The following ADCK1 variants were observed in gnomAD, a reference collection of about 807,000 sequenced individuals.
ADCK1 encodes aarF domain-containing protein kinase 1.
Under a neutral mutation model 52.3 loss-of-function variants are expected in ADCK1, and 41 were observed. That is an observed-to-expected ratio of 0.78 (90% confidence interval 0.61 to 1.02). The LOEUF is 1.02. Ranked by LOEUF, ADCK1 falls within the 50% of genes least tolerant of loss-of-function variation. ADCK1 has a pLI of 0.00. For missense variants in ADCK1, 658 were observed against 679.5 expected (o/e 0.97, Z 0.35); for synonymous variants, 250 against 274.6 (o/e 0.91, Z 0.89).
chr14:77,871,169 G>C (rs1334143178), intron 4 of ADCK1, among the ~76,000 whole-genome samples: 5 of 152,202 alleles, frequency 3.3e-5, no homozygotes, highest in African/African-American at 1.2e-4. Context: ...GATGTTGCCA[G>C]TAGGGAAGTG....
At chr14:77,828,782 C>T (rs1440009035) in intron 3 of ADCK1, among the ~76,000 whole-genome samples, 1 of 152,228 alleles carries the variant, frequency 6.6e-6, no homozygotes, top group Non-Finnish European at 1.5e-5. Context: ...CCTCCTCAGC[C>T]TCCCAAAGTG....
intron 1 of ADCK1, among the ~76,000 whole-genome samples, chr14:77,814,695 C>CAAAA (rs995163952): frequency 2.0e-3 from 70 of 35,690 alleles, no homozygotes; most frequent in Middle Eastern, 0.014. Flanking sequence ...AAGACACTCT[C>CAAAA]AAAAAAAAAA....
chr14:77,931,820 T>G, intron 10 of ADCK1, 109 bp downstream of exon 10: 1 of 1,166,110 alleles, frequency 8.6e-7, no homozygotes, highest in Middle Eastern at 2.7e-4. Flanking sequence ...CTGCCTGAGC[T>G]TCCCAATCTC....
At chr14:77,860,369 G>A (rs976877344) in intron 4 of ADCK1, among the ~76,000 whole-genome samples, 10 of 152,332 alleles carry the variant, frequency 6.6e-5, no homozygotes, top group South Asian at 2.1e-4. Flanking sequence ...GCTACTTGGC[G>A]CAGGGCCAGG....
intron 4 of ADCK1, among the ~76,000 whole-genome samples, chr14:77,867,767 C>T (rs532950618): frequency 6.6e-6 from 1 of 152,326 alleles, no homozygotes; most frequent in South Asian, 2.1e-4. Context: ...GTGTCCTGCA[C>T]CTTGAATCCT....
chr14:77,926,971 G>A (rs1465389271), intron 9 of ADCK1, among the ~76,000 whole-genome samples: 1 of 152,150 alleles, frequency 6.6e-6, no homozygotes, highest in Non-Finnish European at 1.5e-5. Context: ...GAATCCACGT[G>A]GGGGATGGCC....
At chr14:77,811,591 C>G (rs2081339901) in intron 1 of ADCK1, among the ~76,000 whole-genome samples, 1 of 152,098 alleles carries the variant, frequency 6.6e-6, no homozygotes, top group Non-Finnish European at 1.5e-5. Flanking sequence ...AAGATTGAGT[C>G]CAGGAGTTCA....
chr14:77,848,409 G>A (rs992623509), intron 3 of ADCK1, among the ~76,000 whole-genome samples: 1 of 152,162 alleles, frequency 6.6e-6, no homozygotes, highest in Non-Finnish European at 1.5e-5. Flanking sequence ...CCTATCTCAA[G>A]GGCTTTTACC....
chr14:77,833,002 G>A (rs1029036770), intron 3 of ADCK1, among the ~76,000 whole-genome samples: 2 of 152,172 alleles, frequency 1.3e-5, no homozygotes, highest in Non-Finnish European at 2.9e-5. Flanking sequence ...GAGGCTCAGA[G>A]GAGAAAATGG....
intron 3 of ADCK1, among the ~76,000 whole-genome samples, chr14:77,858,453 G>C (rs1356823831): frequency 6.6e-6 from 1 of 151,976 alleles, no homozygotes; most frequent in Non-Finnish European, 1.5e-5. Flanking sequence ...TCTTGGCCAG[G>C]CTGGTCTTGA....
chr14:77,824,912 C>T (rs2081661532), intron 3 of ADCK1, among the ~76,000 whole-genome samples: 1 of 152,100 alleles, frequency 6.6e-6, no homozygotes, highest in African/African-American at 2.4e-5. Flanking sequence ...AATTTCCTAC[C>T]TTCAGGATTT....
At chr14:77,906,986 A>C (rs1385788128) in intron 6 of ADCK1, among the ~76,000 whole-genome samples, 2 of 151,960 alleles carry the variant, frequency 1.3e-5, no homozygotes, top group African/African-American at 2.4e-5. Context: ...CAGTGGTGTG[A>C]TGTATAAGGT....
intron 3 of ADCK1, among the ~76,000 whole-genome samples, chr14:77,850,802 C>T (rs1479062025): frequency 3.3e-5 from 5 of 151,840 alleles, no homozygotes; most frequent in Non-Finnish European, 5.9e-5. Context: ...AGGTGCCCGC[C>T]ACCACGCCTG....
chr14:77,815,745 G>A (rs186825535), intron 1 of ADCK1, among the ~76,000 whole-genome samples: 59 of 149,622 alleles, frequency 3.9e-4, no homozygotes, highest in South Asian at 1.7e-3. Context: ...TCTTGAACTC[G>A]TGACCTCGTG....
intron 3 of ADCK1, among the ~76,000 whole-genome samples, chr14:77,836,583 T>G (rs1176651710): frequency 6.6e-6 from 1 of 152,112 alleles, no homozygotes; most frequent in Non-Finnish European, 1.5e-5. Flanking sequence ...AATAGAAGTT[T>G]ATTCTCCTAC....
At chr14:77,878,804 A>G (rs7141447) in intron 4 of ADCK1, among the ~76,000 whole-genome samples, 2,258 of 152,298 alleles carry the variant, frequency 0.015, 56 homozygotes, top group African/African-American at 0.051. Flanking sequence ...GAATGCTGAA[A>G]GATTAGATTT....
At chr14:77,903,109 C>T (rs1240565704) in intron 6 of ADCK1, among the ~76,000 whole-genome samples, 3 of 152,212 alleles carry the variant, frequency 2.0e-5, no homozygotes, top group African/African-American at 7.2e-5. Flanking sequence ...GCAATAATAA[C>T]AATAACACAC....
Position 77,905,304 on chromosome 14 carries a change from GTT to G in ADCK1, c.742-2480_742-2479del, listed in dbSNP as rs58057378. ...TCCACCTGTGACTCTTTCCTAGCTGGTTTTTTTTTTTTTTTTTTTTGAGATGG... is the reference window on the plus strand; with the variant it reads ...TCCACCTGTGACTCTTTCCTAGCTGGTTTTTTTTTTTTTTTTTTGAGATGG... On this transcript the variant is annotated intron_variant, in intron 6 of 10. Transcript: ENST00000238561. 1.4e-3 allele frequency among the ~76,000 whole-genome samples: 134 copies of G among 96,270 alleles called. 2 individuals are homozygous for G. The highest frequency in any genetic ancestry group is 8.8e-3 in the Middle Eastern group (1 of 114). The allele number at this position is 96,270 out of a possible 152,430, so 63.2% of individuals were successfully genotyped here.
In ADCK1 at chr14:77,924,443, C is replaced by A. The variant is rs1043285601; in HGVS notation, c.859-14C>A. ...AGTGGAGAGGAGCTCCCACCTGCCC[C>A]TCTTCTCTTTCAGATCTCACGCCAC... On this transcript the variant is annotated splice_polypyrimidine_tract_variant and intron_variant, in intron 7 of 10. Coordinates refer to ENST00000238561, the MANE Select transcript of ADCK1 (RefSeq NM_020421.4). 3 of 1,613,326 alleles carry A rather than the reference C, an allele frequency of 1.9e-6. No individual in the cohort carries two copies. The African/African-American group carries it at 4.0e-5, about 22-fold the overall frequency.
Sources: allele counts gnomAD v4.1 joint callset (sites outside exome capture counted in the v4.1 genomes callset), GRCh38; gene constraint gnomAD v4.1.1; transcripts MANE v1.5; gene names NCBI Gene and HGNC (gene_info 2026-07-23, HGNC 2026-07-21).